The following ATRNL1 variants were observed in gnomAD, a reference collection of about 807,000 sequenced individuals.
The protein encoded by ATRNL1 is attractin like 1, also known as attractin-like protein 1.
In ATRNL1, 95 loss-of-function variants were observed where a neutral mutation model predicts 182.7. The ratio of observed to expected loss-of-function variants is 0.52; its 90% CI spans 0.44 to 0.62. The LOEUF (loss-of-function observed/expected upper bound fraction) is 0.62. Ranked by LOEUF, ATRNL1 falls within the 20% of genes least tolerant of loss-of-function variation. The probability of loss-of-function intolerance (pLI) is 0.00; values close to 1 mark genes in which losing one functional copy is unlikely to be tolerated. For missense variants in ATRNL1, 1,471 were observed against 1,679.5 expected (o/e 0.88, Z 2.17); for synonymous variants, 576 against 568.3 (o/e 1.01, Z -0.19).
chr10:115,175,369 C>T lies in ATRNL1; in HGVS notation c.1348+4077C>T, dbSNP rs868914444. Among the ~76,000 whole-genome samples the T allele has an allele frequency of 2.0e-5, 3 of 152,054 alleles. No homozygotes were observed. The South Asian group carries it at 6.2e-4, about 32-fold the overall frequency. On this transcript the variant is annotated intron_variant, in intron 8 of 28. Coordinates refer to ENST00000355044, the MANE Select transcript of ATRNL1 (RefSeq NM_207303.4). ...GGTTGTTAGCTGATATATTAATCTC[C>T]TGGTAGGTTTTTGTTTGATTTGGGA...
intron 19 of ATRNL1, among the ~76,000 whole-genome samples, chr10:115,392,725 T>C (rs782281858): frequency 4.5e-4 from 68 of 152,300 alleles, no homozygotes; most frequent in Non-Finnish European, 7.9e-4. Flanking sequence ...AGTCTTGACC[T>C]TTCTAGATGC....
At chr10:115,734,281 T>C (rs1030952552) in intron 27 of ATRNL1, among the ~76,000 whole-genome samples, 2 of 152,156 alleles carry the variant, frequency 1.3e-5, no homozygotes, top group African/African-American at 4.8e-5. Flanking sequence ...GTTCACACTA[T>C]CTTTAGCAAA....
intron 28 of ATRNL1, among the ~76,000 whole-genome samples, chr10:115,889,536 A>G (rs1324216475): frequency 6.6e-6 from 1 of 152,124 alleles, no homozygotes; most frequent in Non-Finnish European, 1.5e-5. Context: ...CCTATATGTG[A>G]TATTATTGAA....
At chr10:115,451,563 C>G (rs1387521169) in intron 21 of ATRNL1, among the ~76,000 whole-genome samples, 1 of 152,110 alleles carries the variant, frequency 6.6e-6, no homozygotes, top group Non-Finnish European at 1.5e-5. Context: ...CATTGAGATA[C>G]CATCTCATGC....
At chr10:115,522,122 C>T (rs1253537931) in intron 25 of ATRNL1, among the ~76,000 whole-genome samples, 13 of 152,100 alleles carry the variant, frequency 8.5e-5, no homozygotes, top group African/African-American at 3.1e-4. Flanking sequence ...CATACCCTGG[C>T]TCTGTTCTTA....
Position 115,674,511 on chromosome 10 carries a change from C to G in ATRNL1, c.3796-52737C>G, listed in dbSNP as rs546877031. ...TTTACTTAATCATTGATTTATTACA[C>G]TTACTGAGTTCCTACTGCATGTCAG... On this transcript the variant is annotated intron_variant, in intron 26 of 28. Coordinates refer to ENST00000355044, the MANE Select transcript of ATRNL1 (RefSeq NM_207303.4). Among the ~76,000 whole-genome samples the G allele has an allele frequency of 4.6e-5, 7 of 152,144 alleles. No homozygotes were observed. In the East Asian group the frequency reaches 1.4e-3, roughly 29 times the overall value.
chr10:115,460,939 A>G (rs549919208), intron 21 of ATRNL1, among the ~76,000 whole-genome samples: 42 of 152,126 alleles, frequency 2.8e-4, no homozygotes, highest in Non-Finnish European at 5.0e-4. Context: ...CCTACTGCAT[A>G]ATTCTCATTA....
At chr10:115,533,721 G>C (rs1851763751) in intron 25 of ATRNL1, among the ~76,000 whole-genome samples, 1 of 149,220 alleles carries the variant, frequency 6.7e-6, no homozygotes, top group African/African-American at 2.4e-5. Context: ...GATCTTTCCT[G>C]CTTTCTCTTG....
intron 6 of ATRNL1, among the ~76,000 whole-genome samples, chr10:115,161,285 G>T (rs2144009559): frequency 6.6e-6 from 1 of 152,066 alleles, no homozygotes. Flanking sequence ...TGGAGAGAAG[G>T]AGGGAGTTTT....
intron 28 of ATRNL1, among the ~76,000 whole-genome samples, chr10:115,881,160 C>T (rs1176479204): frequency 6.6e-6 from 1 of 152,210 alleles, no homozygotes; most frequent in East Asian, 1.9e-4. Context: ...CTAACATGAG[C>T]CTATCTCTGG....
chr10:115,137,962 T>A (rs1283221106), intron 5 of ATRNL1, among the ~76,000 whole-genome samples: 1 of 152,152 alleles, frequency 6.6e-6, no homozygotes, highest in Non-Finnish European at 1.5e-5. Flanking sequence ...TAGATAACAA[T>A]CAGGGTACAG....
At chr10:115,350,489 A>G (rs929950398) in intron 19 of ATRNL1, among the ~76,000 whole-genome samples, 6 of 151,922 alleles carry the variant, frequency 3.9e-5, no homozygotes, top group Non-Finnish European at 2.9e-5. Flanking sequence ...ATTCTTCTGT[A>G]TATACAGGAT....
intron 26 of ATRNL1, among the ~76,000 whole-genome samples, chr10:115,714,553 T>C (rs1396567535): frequency 6.6e-6 from 1 of 152,196 alleles, no homozygotes; most frequent in African/African-American, 2.4e-5. Flanking sequence ...AATGATATTA[T>C]GTTCTTTATC....
intron 25 of ATRNL1, among the ~76,000 whole-genome samples, chr10:115,529,274 C>T (rs1256780306): frequency 2.0e-5 from 3 of 151,792 alleles, no homozygotes; most frequent in Non-Finnish European, 4.4e-5. Context: ...TCTTAAAGAA[C>T]ATTTTTAACT....
intron 10 of ATRNL1, among the ~76,000 whole-genome samples, chr10:115,251,203 G>C (rs1850862175): frequency 1.3e-5 from 2 of 151,932 alleles, no homozygotes; most frequent in South Asian, 4.2e-4. Context: ...GATTTGATGG[G>C]GTCCATTATC....
chr10:115,875,016 A>G lies in ATRNL1; in HGVS notation c.4018+27025A>G, dbSNP rs995846795. Among the ~76,000 whole-genome samples, 4 of 152,170 alleles carry G rather than the reference A, an allele frequency of 2.6e-5. No homozygotes were observed. The East Asian group carries it at 7.7e-4, about 29-fold the overall frequency. ...AGATCAGCTAGGAAAAATTACAGTA[A>G]TCCAGGCAGGTGAGGGTCTAGATTG... On this transcript the variant is annotated intron_variant, in intron 28 of 28. Transcript: ENST00000355044.
chr10:115,119,416 G>GTATAGTATA (rs1373084890), intron 1 of ATRNL1, among the ~76,000 whole-genome samples: 2 of 151,840 alleles, frequency 1.3e-5, no homozygotes, highest in Non-Finnish European at 2.9e-5. Flanking sequence ...GCATATATAA[G>GTATAGTATA]TATAGTATAT....
intron 26 of ATRNL1, among the ~76,000 whole-genome samples, chr10:115,606,122 G>A (rs1235604942): frequency 6.6e-6 from 1 of 151,988 alleles, no homozygotes; most frequent in Non-Finnish European, 1.5e-5. Flanking sequence ...ATGTATTAGG[G>A]ATGATTTGGA....
At position 115,711,978 on chromosome 10, in the gene ATRNL1, T is replaced by G. The variant is rs79421639; in HGVS notation, c.3796-15270T>G. Among the ~76,000 whole-genome samples, 776 of 152,316 alleles carry G rather than the reference T, an allele frequency of 5.1e-3. 7 individuals carry two copies. Among genetic ancestry groups the G allele is most frequent in the African/African-American group, 0.018 (748 of 41,570 alleles). ...GCAAGTTAAAACCATAAGTAAAGTC[T>G]AAAATTATTTTGCCTTTGTGAGTTA... On this transcript the variant is annotated intron_variant, in intron 26 of 28. Coordinates refer to ENST00000355044, the MANE Select transcript of ATRNL1 (RefSeq NM_207303.4).
Sources: gnomAD v4.1 joint callset for allele counts (sites outside exome capture counted in the v4.1 genomes callset) on GRCh38, gnomAD v4.1.1 for gene constraint, MANE v1.5 for transcripts, NCBI Gene and HGNC (gene_info 2026-07-23, HGNC 2026-07-21) for gene names.